Variants in PAK5 observed in about 807,000 individuals in gnomAD.
PAK5 encodes the protein serine/threonine-protein kinase PAK 5.
PAK5 carries 16 observed loss-of-function variants against 65.9 expected under a neutral mutation model. The ratio of observed to expected loss-of-function variants is 0.24; its 90% CI spans 0.16 to 0.37. PAK5 has a LOEUF of 0.37. PAK5 is among the 10% of genes least tolerant of loss of function. The pLI is 1.00. For synonymous variants in PAK5, 371 were observed against 354.9 expected (o/e 1.05, Z -0.51); for missense variants, 785 against 903.9 (o/e 0.87, Z 1.69).
intron 2 of PAK5, among the ~76,000 whole-genome samples, chr20:9,702,298 A>G (rs1033151678): frequency 2.0e-5 from 3 of 152,078 alleles, no homozygotes; most frequent in Non-Finnish European, 4.4e-5. Flanking sequence ...CTCCTAGAGA[A>G]CACAAAGCAA....
intron 2 of PAK5, among the ~76,000 whole-genome samples, chr20:9,669,322 A>T (rs964517109): frequency 2.6e-5 from 4 of 152,192 alleles, no homozygotes; most frequent in African/African-American, 9.6e-5. Flanking sequence ...TACACATGAC[A>T]GTGTTACATA....
chr20:9,711,932 T>A (rs372304889), intron 1 of PAK5, among the ~76,000 whole-genome samples: 4 of 152,336 alleles, frequency 2.6e-5, no homozygotes, highest in East Asian at 3.9e-4. Flanking sequence ...GTGGCTCCAA[T>A]ATTTTTGTCA....
chr20:9,795,650 C>A (rs2049096404), intron 1 of PAK5, among the ~76,000 whole-genome samples: 1 of 152,078 alleles, frequency 6.6e-6, no homozygotes, highest in Non-Finnish European at 1.5e-5. Context: ...CACTTTAAAT[C>A]TTCTTCATGC....
intron 2 of PAK5, among the ~76,000 whole-genome samples, chr20:9,647,322 AT>A (rs1292519105): frequency 6.6e-6 from 1 of 152,266 alleles, no homozygotes; most frequent in Non-Finnish European, 1.5e-5. Flanking sequence ...ACATTTGAAA[AT>A]ATAATTTGGC....
intron 3 of PAK5, among the ~76,000 whole-genome samples, chr20:9,627,133 C>T (rs2046855395): frequency 6.6e-6 from 1 of 152,316 alleles, no homozygotes; most frequent in African/African-American, 2.4e-5. Flanking sequence ...AAAATATCTG[C>T]TAAACATACC....
At chr20:9,763,237 C>T (rs772927327) in intron 1 of PAK5, among the ~76,000 whole-genome samples, 4 of 151,964 alleles carry the variant, frequency 2.6e-5, no homozygotes, top group African/African-American at 7.3e-5. Context: ...TGTACCAAGA[C>T]GGTAGAACTC....
At chr20:9,552,043 C>T (rs2045436733) in intron 7 of PAK5, among the ~76,000 whole-genome samples, 2 of 152,176 alleles carry the variant, frequency 1.3e-5, no homozygotes, top group Non-Finnish European at 2.9e-5. Context: ...AACTCACCCT[C>T]CTTATACCAC....
At chr20:9,769,638 G>A (rs2048811250) in intron 1 of PAK5, among the ~76,000 whole-genome samples, 1 of 152,194 alleles carries the variant, frequency 6.6e-6, no homozygotes, top group Admixed American at 6.5e-5. Flanking sequence ...TTCCCTTCAA[G>A]CCCGGTTAGA....
chr20:9,597,535 T>C (rs1165228797), intron 3 of PAK5, among the ~76,000 whole-genome samples: 3 of 152,198 alleles, frequency 2.0e-5, no homozygotes, highest in Admixed American at 1.3e-4. Flanking sequence ...CTCGAGTAGG[T>C]TGATGCAAAA....
chr20:9,719,104 G>A (rs1246352068), intron 1 of PAK5, among the ~76,000 whole-genome samples: 1 of 152,102 alleles, frequency 6.6e-6, no homozygotes, highest in Non-Finnish European at 1.5e-5. Context: ...TATGTTCTGT[G>A]TCCAGAGGAG....
At chr20:9,775,947 A>G (rs2048882750) in intron 1 of PAK5, among the ~76,000 whole-genome samples, 1 of 152,240 alleles carries the variant, frequency 6.6e-6, no homozygotes, top group African/African-American at 2.4e-5. Flanking sequence ...TAAATAATTG[A>G]ACATATGATT....
intron 1 of PAK5, among the ~76,000 whole-genome samples, chr20:9,715,717 TA>T (rs1183844245): frequency 6.6e-6 from 1 of 151,750 alleles, no homozygotes; most frequent in Non-Finnish European, 1.5e-5. Context: ...TATGCAGCCA[TA>T]AAAAAGGATG....
At chr20:9,810,515 C>T (rs575523786) in intron 1 of PAK5, among the ~76,000 whole-genome samples, 1 of 152,152 alleles carries the variant, frequency 6.6e-6, no homozygotes, top group Non-Finnish European at 1.5e-5. Context: ...CACTGCACTC[C>T]CGCCTGGGTG....
intron 3 of PAK5, among the ~76,000 whole-genome samples, chr20:9,600,705 A>G (rs1328676072): frequency 1.3e-5 from 2 of 152,204 alleles, no homozygotes; most frequent in African/African-American, 4.8e-5. Context: ...TCTGCAAAAC[A>G]GGTTGTCAGG....
At chr20:9,610,807 G>C (rs549806485) in intron 3 of PAK5, among the ~76,000 whole-genome samples, 23 of 152,184 alleles carry the variant, frequency 1.5e-4, no homozygotes, top group Non-Finnish European at 2.8e-4. Context: ...TGAAATCCCA[G>C]TGTGAGGTGG....
rs536180620 is a variant in PAK5, at chr20:9,720,879, T to C, written c.-161-9444A>G. ...GTCAAATATTTTATAAGTGTACTTA[T>C]ATGAACTATCCAGAATAGGTAGATC... On this transcript the variant is annotated intron_variant, in intron 1 of 9. Transcript: ENST00000353224. Among the ~76,000 whole-genome samples, 4 of 152,276 alleles carry C rather than the reference T, an allele frequency of 2.6e-5. No homozygotes were observed. The South Asian group carries it at 6.2e-4, about 24-fold the overall frequency.
At chr20:9,727,314 G>A (rs891250398) in intron 1 of PAK5, among the ~76,000 whole-genome samples, 3 of 152,186 alleles carry the variant, frequency 2.0e-5, no homozygotes, top group African/African-American at 7.2e-5. Flanking sequence ...AACCAAATCA[G>A]TGTTTGAAGT....
chr20:9,780,782 T>C (rs2048933092), intron 1 of PAK5, among the ~76,000 whole-genome samples: 1 of 152,190 alleles, frequency 6.6e-6, no homozygotes, highest in Non-Finnish European at 1.5e-5. Flanking sequence ...CATTTGAATG[T>C]TAAGTAGACA....
chr20:9,706,471 C>CTTTTTT (rs34420250), intron 2 of PAK5, among the ~76,000 whole-genome samples: 7 of 125,412 alleles, frequency 5.6e-5, no homozygotes, highest in Non-Finnish European at 6.7e-5. Flanking sequence ...TCTACAAACT[C>CTTTTTT]TTTTTTTTTT....
Sources: gnomAD v4.1 joint callset for allele counts (sites outside exome capture counted in the v4.1 genomes callset) on GRCh38, gnomAD v4.1.1 for gene constraint, MANE v1.5 for transcripts, NCBI Gene and HGNC (gene_info 2026-07-23, HGNC 2026-07-21) for gene names.